MED13: variants seen among roughly 807,000 people sequenced by gnomAD.
The protein encoded by MED13 is mediator complex subunit 13, also known as mediator of RNA polymerase II transcription subunit 13.
In MED13, 23 loss-of-function variants were observed where a neutral mutation model predicts 225.2. That is an observed-to-expected ratio of 0.10 (90% CI 0.07 to 0.14). MED13 has a LOEUF of 0.14. Among genes scored for constraint, MED13 ranks in the 10% least tolerant of loss-of-function variants. The pLI is 1.00. For synonymous variants in MED13, 942 were observed against 889.2 expected (o/e 1.06, Z -1.06); for missense variants, 2,197 against 2,594.5 (o/e 0.85, Z 3.33).
rs201554128 is a variant in MED13, at chr17:61,995,193, C to A, written c.2140G>T (p.Asp714Tyr). The A allele has an allele frequency of 4.6e-5, 74 of 1,613,486 alleles. No homozygotes were observed. The highest frequency in any genetic ancestry group is 6.2e-5 in the Non-Finnish European group (73 of 1,179,874). Residue 714 changes from aspartate to tyrosine, a missense_variant, in exon 10 of 30, where the codon GAT becomes TAT. Asp to Tyr is a radical substitution (Grantham distance 160). Coordinates refer to ENST00000397786, the MANE Select transcript of MED13 (RefSeq NM_005121.3). The part of the protein sequence containing the change: ...DEEFLFPDKK[D>Y]RQNSEREAGK... ...GCTTCTCTCTCACTATTTTGTCTATCTTTTTTATCAGGAAAAAGGAATTCC... is the reference window on the plus strand; with the variant it reads ...GCTTCTCTCTCACTATTTTGTCTATATTTTTTATCAGGAAAAAGGAATTCC...
In MED13 at chr17:61,968,341, T is replaced by A. The variant is rs537545662; in HGVS notation, c.3968-83A>T. On this transcript the variant is annotated intron_variant, in intron 17 of 29. Transcript: ENST00000397786. Reference sequence around the variant, plus strand: ...TATTTATTTATTTATTTATTTATTTTTTGAGACAGAGTCTCGCTCTGTCGC... The same window carrying A: ...TATTTATTTATTTATTTATTTATTTATTGAGACAGAGTCTCGCTCTGTCGC... 2.1e-5 allele frequency: 21 copies of A among 1,015,830 alleles called. No homozygotes were observed. In the East Asian group the frequency reaches 2.3e-4, roughly 11 times the overall value. The allele number at this position is 1,015,830 out of a possible 1,614,324, so 62.9% of individuals were successfully genotyped here.
At chr17:62,042,423 A>T (rs976538624) in intron 3 of MED13, among the ~76,000 whole-genome samples, 1 of 152,042 alleles carries the variant, frequency 6.6e-6, no homozygotes, top group African/African-American at 2.4e-5. Context: ...TTAGCTGGGC[A>T]TGGTGGCACA....
chr17:62,030,203 T>C (rs1374005258), intron 6 of MED13, 190 bp from the exon 7 acceptor site: 3 of 525,692 alleles, frequency 5.7e-6, no homozygotes, highest in Admixed American at 3.6e-5. Context: ...ATCAAGTACA[T>C]CTCTGTAACC....
intron 10 of MED13, among the ~76,000 whole-genome samples, chr17:61,993,961 TCA>T (rs1338015170): frequency 6.7e-6 from 1 of 150,124 alleles, no homozygotes; most frequent in African/African-American, 2.5e-5. Flanking sequence ...AAAAAAAAAC[TCA>T]CACGTATTAT....
intron 3 of MED13, among the ~76,000 whole-genome samples, chr17:62,046,748 G>A (rs2080900907): frequency 6.6e-6 from 1 of 151,918 alleles, no homozygotes. Flanking sequence ...GAGGTGTGAG[G>A]ACTACTTGAG....
intron 15 of MED13, 43 bp downstream of exon 15, chr17:61,984,128 C>T (rs752294623): frequency 1.5e-6 from 2 of 1,300,510 alleles, no homozygotes; most frequent in South Asian, 4.9e-5. Flanking sequence ...AAAATTAAAG[C>T]TGTATAAGCA....
intron 28 of MED13, among the ~76,000 whole-genome samples, chr17:61,949,720 C>T (rs1324594612): frequency 1.3e-5 from 2 of 152,104 alleles, no homozygotes; most frequent in African/African-American, 4.8e-5. Context: ...TGGAATCTCA[C>T]TCTGTCACCC....
At chr17:61,976,366 C>T (rs1173106422) in intron 16 of MED13, among the ~76,000 whole-genome samples, 3 of 152,064 alleles carry the variant, frequency 2.0e-5, no homozygotes, top group Non-Finnish European at 1.5e-5. Context: ...TCTAGAGAGA[C>T]AGAAAATAGA....
chr17:62,065,177 G>A lies in MED13; in HGVS notation c.29C>T (p.Ala10Val). The change falls in exon 1 of 30, where the codon GCC (alanine) becomes GTC (valine). Residue 10 changes from alanine to valine, a missense_variant. Coordinates refer to ENST00000397786, the MANE Select transcript of MED13 (RefSeq NM_005121.3). ...GTTACAGTGACAATCTTCCAGGCTG[G>A]CCCCGTTCGGCACGAAGGAGGCACT... Reference protein sequence around the residue: MSASFVPNGASLEDCHCNLF... With the variant: MSASFVPNGVSLEDCHCNLF... 6.3e-7 allele frequency: 1 copy of A among 1,580,232 alleles called. No homozygotes were observed. The highest frequency in any genetic ancestry group is 8.6e-7 in the Non-Finnish European group (1 of 1,164,880).
intron 8 of MED13, among the ~76,000 whole-genome samples, chr17:62,028,626 G>A (rs990333137): frequency 4.6e-5 from 7 of 151,856 alleles, no homozygotes. Flanking sequence ...TGTATCATGA[G>A]GTCAGGAGAT....
At chr17:62,052,863 T>C (rs2080968075) in intron 2 of MED13, among the ~76,000 whole-genome samples, 158 bp from the exon 3 acceptor site, 1 of 152,276 alleles carries the variant, frequency 6.6e-6, no homozygotes, top group African/African-American at 2.4e-5. Context: ...CATTATCAGG[T>C]TTCAAAGTTA....
At chr17:62,028,016 A>G (rs1302752890) in intron 8 of MED13, among the ~76,000 whole-genome samples, 2 of 152,056 alleles carry the variant, frequency 1.3e-5, no homozygotes, top group Non-Finnish European at 2.9e-5. Flanking sequence ...TCAAAGAGCT[A>G]CAACTACCAT....
At chr17:62,024,779 G>C (rs1200536561) in intron 8 of MED13, among the ~76,000 whole-genome samples, 2 of 152,154 alleles carry the variant, frequency 1.3e-5, no homozygotes, top group Non-Finnish European at 2.9e-5. Context: ...AGTGAGAACA[G>C]GCAATATTTA....
At chr17:62,004,351 A>C (rs909148636) in intron 9 of MED13, 7 of 152,258 alleles carry the variant, frequency 4.6e-5, no homozygotes, top group African/African-American at 1.7e-4. Flanking sequence ...TATGCTAAGA[A>C]GAAATTAAAA....
chr17:62,038,618 A>G (rs1373843589), intron 3 of MED13, among the ~76,000 whole-genome samples: 2 of 152,200 alleles, frequency 1.3e-5, no homozygotes, highest in East Asian at 3.8e-4. Flanking sequence ...GTATAAAATC[A>G]TAAAAGTCAT....
intron 27 of MED13, among the ~76,000 whole-genome samples, chr17:61,952,273 C>G (rs988062561): frequency 1.1e-4 from 17 of 152,118 alleles, no homozygotes; most frequent in Admixed American, 8.5e-4. Context: ...GACAAGACAG[C>G]CTGCTTCCAT....
At chr17:61,995,398 C>A in intron 9 of MED13, 33 bp from the exon 10 acceptor site, 1 of 1,487,342 alleles carries the variant, frequency 6.7e-7, no homozygotes. Context: ...ATTAATTATC[C>A]ACATAAGCAT....
At position 62,050,374 on chromosome 17, in the gene MED13, A is replaced by G. The variant is rs533774082; in HGVS notation, c.470+2163T>C. Among the ~76,000 whole-genome samples, 723 of 151,814 alleles carry G rather than the reference A, an allele frequency of 4.8e-3. 2 individuals are homozygous for G. The highest frequency in any genetic ancestry group is 0.011 in the South Asian group (51 of 4,798). On this transcript the variant is annotated intron_variant, in intron 3 of 29. Coordinates refer to ENST00000397786, the MANE Select transcript of MED13 (RefSeq NM_005121.3). ...ACTCCGTATCAGAAAAAAAAAAAAAAGGAAAAGGAGAGGGAAAAGAAGTGT... is the reference window on the plus strand; with the variant it reads ...ACTCCGTATCAGAAAAAAAAAAAAAGGGAAAAGGAGAGGGAAAAGAAGTGT...
At chr17:62,051,046 C>G (rs1470269271) in intron 3 of MED13, among the ~76,000 whole-genome samples, 2 of 152,170 alleles carry the variant, frequency 1.3e-5, no homozygotes, top group Admixed American at 1.3e-4. Context: ...TTGTTAACTG[C>G]CTACCCAATA....
Sources: gnomAD v4.1 joint callset for allele counts (sites outside exome capture counted in the v4.1 genomes callset) on GRCh38, gnomAD v4.1.1 for gene constraint, MANE v1.5 for transcripts, NCBI Gene and HGNC (gene_info 2026-07-23, HGNC 2026-07-21) for gene names.